MBNL2: variants seen among roughly 807,000 people sequenced by gnomAD.
The protein encoded by MBNL2 is muscleblind-like protein 2.
A neutral mutation model predicts 41.9 loss-of-function variants in MBNL2; 17 were observed. That is an observed-to-expected ratio of 0.41 (90% CI 0.28 to 0.61). The LOEUF (loss-of-function observed/expected upper bound fraction) is 0.61, where lower values mean the gene tolerates loss of function less well. Ranked by LOEUF, MBNL2 falls within the 20% of genes least tolerant of loss-of-function variation. The probability of loss-of-function intolerance (pLI) is 0.35; values close to 1 mark genes in which losing one functional copy is unlikely to be tolerated. For missense variants in MBNL2, 336 were observed against 505.6 expected (o/e 0.66, Z 3.22); for synonymous variants, 195 against 182.9 (o/e 1.07, Z -0.53).
chr13:97,215,663 T>C, the MBNL2 span, among the ~76,000 whole-genome samples: 1 of 152,196 alleles, frequency 6.6e-6, no homozygotes, highest in African/African-American at 2.4e-5. Context: ...TTGCATTAAC[T>C]TTTCATATAA....
intron 2 of MBNL2, among the ~76,000 whole-genome samples, chr13:97,313,229 A>G (rs1403199297): frequency 1.3e-5 from 2 of 152,212 alleles, no homozygotes; most frequent in Non-Finnish European, 2.9e-5. Flanking sequence ...GTCAGGATAA[A>G]GGCAGGTCCA....
intron 8 of MBNL2, among the ~76,000 whole-genome samples, chr13:97,370,678 AAG>A (rs1491173780): frequency 1.3e-5 from 2 of 150,174 alleles, no homozygotes; most frequent in African/African-American, 5.0e-5. Flanking sequence ...AAAAAAAAAA[AAG>A]AAAGAAAGAA....
chr13:97,222,787 T>G (rs2041008319), intron 1 of MBNL2, among the ~76,000 whole-genome samples: 1 of 152,236 alleles, frequency 6.6e-6, no homozygotes, highest in South Asian at 2.1e-4. Flanking sequence ...TATTATATTA[T>G]TTTTTAAAAA....
the MBNL2 span, among the ~76,000 whole-genome samples, chr13:97,156,940 G>T: frequency 6.6e-6 from 1 of 151,800 alleles, no homozygotes; most frequent in East Asian, 1.9e-4. Context: ...GAAAGTCATT[G>T]GTAGCTTGAT....
chr13:97,311,669 A>T (rs9516903), intron 2 of MBNL2, among the ~76,000 whole-genome samples: 18,443 of 143,128 alleles, frequency 0.13, 1,186 homozygotes, highest in South Asian at 0.18. Flanking sequence ...TTTTTTTTTT[A>T]AAAAAAAACC....
chr13:97,339,851 C>T (rs548724454), intron 3 of MBNL2, among the ~76,000 whole-genome samples: 28 of 135,532 alleles, frequency 2.1e-4, no homozygotes, highest in African/African-American at 7.6e-4. Flanking sequence ...CAGAAACATA[C>T]GGGCAACTGA....
intron 8 of MBNL2, among the ~76,000 whole-genome samples, chr13:97,374,062 C>CCTTTTTTTTTTTTTTT (rs1594284568): frequency 1.9e-5 from 1 of 53,398 alleles, no homozygotes; most frequent in Non-Finnish European, 4.0e-5. Flanking sequence ...TCCTCCTTTG[C>CCTTTTTTTTTTTTTTT]ATTTTTTTTT....
chr13:97,184,432 G>A, the MBNL2 span, among the ~76,000 whole-genome samples: 30 of 152,238 alleles, frequency 2.0e-4, no homozygotes, highest in African/African-American at 6.7e-4. Context: ...ATGATTTCCA[G>A]CTGTCGTCCT....
At chr13:97,151,596 G>C in the MBNL2 span, among the ~76,000 whole-genome samples, 2 of 152,156 alleles carry the variant, frequency 1.3e-5, no homozygotes, top group African/African-American at 4.8e-5. Flanking sequence ...TAAAGTCTCT[G>C]GTCATGGAGT....
chr13:97,226,012 C>T (rs1211511754), intron 1 of MBNL2, among the ~76,000 whole-genome samples: 1 of 151,984 alleles, frequency 6.6e-6, no homozygotes, highest in Non-Finnish European at 1.5e-5. Flanking sequence ...CAGTTTTATA[C>T]TCTTCTCAGT....
At chr13:97,382,434 C>T (rs900935566) in intron 8 of MBNL2, among the ~76,000 whole-genome samples, 1 of 152,182 alleles carries the variant, frequency 6.6e-6, no homozygotes, top group African/African-American at 2.4e-5. Flanking sequence ...TAGAAAATTC[C>T]GTCACCTCCT....
At chr13:97,307,889 C>T (rs2058266008) in intron 2 of MBNL2, among the ~76,000 whole-genome samples, 1 of 152,202 alleles carries the variant, frequency 6.6e-6, no homozygotes. Flanking sequence ...AAAATGTCCA[C>T]AGTGCTGAGT....
rs199915981 is a variant in MBNL2, at chr13:97,271,471, C to CA, written c.-604-4152dup. Among the ~76,000 whole-genome samples the CA allele has an allele frequency of 5.6e-3, 821 of 147,212 alleles. 5 individuals carry two copies. The highest frequency in any genetic ancestry group is 0.02 in the African/African-American group (769 of 38,162). The stretch of plus-strand genomic sequence containing the variant: ...AAAAAAAAACAAACAAAAAACAAAA[C>CA]AAAAAAAAACAGGATACATGTGCAG... On this transcript the variant is annotated intron_variant, in intron 1 of 8. Coordinates refer to ENST00000679496, the MANE Select transcript of MBNL2 (RefSeq NM_001382683.1).
At chr13:97,146,358 A>C in the MBNL2 span, among the ~76,000 whole-genome samples, 1 of 152,100 alleles carries the variant, frequency 6.6e-6, no homozygotes, top group Non-Finnish European at 1.5e-5. Context: ...GTGAACAAAA[A>C]CCCCACAACA....
At chr13:97,349,865 T>A (rs1441084939) in intron 5 of MBNL2, among the ~76,000 whole-genome samples, 1 of 152,192 alleles carries the variant, frequency 6.6e-6, no homozygotes, top group Non-Finnish European at 1.5e-5. Context: ...TCTATAGGGA[T>A]GTATTCTTAC....
intron 8 of MBNL2, among the ~76,000 whole-genome samples, chr13:97,377,948 C>CT (rs2065106022): frequency 1.3e-5 from 2 of 152,094 alleles, no homozygotes; most frequent in Admixed American, 1.3e-4. Flanking sequence ...TTATGTGGAA[C>CT]TTATGTGGGG....
At chr13:97,364,161 C>T (rs1204059798) in intron 7 of MBNL2, among the ~76,000 whole-genome samples, 2 of 152,142 alleles carry the variant, frequency 1.3e-5, no homozygotes, top group Admixed American at 6.5e-5. Context: ...AGTCATGATG[C>T]GTGTATGTTA....
intron 2 of MBNL2, among the ~76,000 whole-genome samples, chr13:97,294,432 A>G (rs886395230): frequency 6.6e-6 from 1 of 152,256 alleles, no homozygotes; most frequent in Non-Finnish European, 1.5e-5. Flanking sequence ...TTTTAAGAAT[A>G]TGGAAGTGTT....
rs1015704058 is a variant in MBNL2 at position 97,346,372 on chromosome 13, A to G, written c.541-432A>G. Among the ~76,000 whole-genome samples, 1 of 152,008 alleles carries G rather than the reference A, an allele frequency of 6.6e-6. No individual in the cohort carries two copies. Among genetic ancestry groups the G allele is most frequent in the Non-Finnish European group, 1.5e-5 (1 of 68,004 alleles). On this transcript the variant is annotated intron_variant, in intron 4 of 8. Transcript: ENST00000679496. The surrounding 1 kb of genome is among the most constrained non-coding windows in gnomAD (Gnocchi z 4.2). The stretch of plus-strand genomic sequence containing the variant: ...AGATGATGGATGAATGAACAGGTGG[A>G]TAGATGATTGGATAGATTGATTGAT...
Sources: allele counts gnomAD v4.1 joint callset (sites outside exome capture counted in the v4.1 genomes callset), GRCh38; gene constraint gnomAD v4.1.1; non-coding constraint Gnocchi (gnomAD v3.1); transcripts MANE v1.5; gene names NCBI Gene and HGNC (gene_info 2026-07-23, HGNC 2026-07-21).